The following QSER1 variants were observed in gnomAD, a reference collection of about 807,000 sequenced individuals.
The protein encoded by QSER1 is glutamine and serine rich 1.
A neutral mutation model predicts 158.5 loss-of-function variants in QSER1; 49 were observed. That is an observed-to-expected ratio of 0.31 (90% CI 0.25 to 0.39). The LOEUF is 0.39. Ranked by LOEUF, QSER1 falls within the 10% of genes least tolerant of loss-of-function variation. The pLI is 1.00. For synonymous variants in QSER1, 650 were observed against 715.5 expected (o/e 0.91, Z 1.46); for missense variants, 1,754 against 2,010.3 (o/e 0.87, Z 2.44).
Position 32,932,423 on chromosome 11 carries a change from C to G in QSER1, c.1165C>G (p.Leu389Val). ...QQKTSQVSVE[L>V]AQSYSSAIPS... ...GAAGACCTCCCAGGTCTCAGTGGAA[C>G]TTGCTCAGTCTTACTCATCTGCGAT... Residue 389 changes from leucine (L) to valine (V), a missense_variant, in exon 4 of 13, where the codon CTT (leucine) becomes GTT (valine). Leu to Val is a conservative substitution (Grantham distance 32). Transcript: ENST00000650167. 6.2e-7 allele frequency: 1 copy of G among 1,612,992 alleles called. No homozygotes were observed. The highest frequency in any genetic ancestry group is 1.3e-5 in the African/African-American group (1 of 75,048).
At chr11:32,917,840 A>AC (rs1324880252) in intron 1 of QSER1, among the ~76,000 whole-genome samples, 14 of 151,112 alleles carry the variant, frequency 9.3e-5, no homozygotes, top group African/African-American at 2.7e-4. Context: ...AAAAAAAAAA[A>AC]AAAACCAGCA....
intron 4 of QSER1, among the ~76,000 whole-genome samples, chr11:32,948,475 AAC>A (rs2133574540): frequency 6.6e-6 from 1 of 152,244 alleles, no homozygotes; most frequent in East Asian, 1.9e-4. Context: ...AAAACAAAAA[AAC>A]AGTTAGGTGG....
intron 7 of QSER1, 38 bp downstream of exon 7, chr11:32,956,159 A>T: frequency 6.5e-7 from 1 of 1,537,884 alleles, no homozygotes; most frequent in Non-Finnish European, 9.0e-7. Flanking sequence ...GTGCATATAT[A>T]TAGGTGTATT....
intron 10 of QSER1, among the ~76,000 whole-genome samples, chr11:32,971,367 T>A (rs188600094): frequency 4.4e-4 from 67 of 152,266 alleles, no homozygotes; most frequent in African/African-American, 1.5e-3. Context: ...ATGTTAGGAG[T>A]CCTGAAGCTT....
At chr11:32,915,128 G>C (rs1851816044) in intron 1 of QSER1, among the ~76,000 whole-genome samples, 1 of 152,132 alleles carries the variant, frequency 6.6e-6, no homozygotes, top group Non-Finnish European at 1.5e-5. Flanking sequence ...GGCTGATCTT[G>C]AATTACTGGA....
chr11:32,974,203 T>C (rs1486720513), intron 11 of QSER1, among the ~76,000 whole-genome samples: 1 of 152,148 alleles, frequency 6.6e-6, no homozygotes. Context: ...GGAGGATCAC[T>C]TGAGTCCAGG....
chr11:32,941,059 C>A (rs1311940953), intron 4 of QSER1, among the ~76,000 whole-genome samples: 3 of 151,698 alleles, frequency 2.0e-5, no homozygotes, highest in African/African-American at 7.3e-5. Flanking sequence ...TTCTTCTTTG[C>A]ACCACACTTT....
At chr11:32,919,673 G>A (rs1043149802) in intron 1 of QSER1, among the ~76,000 whole-genome samples, 9 of 152,088 alleles carry the variant, frequency 5.9e-5, no homozygotes, top group African/African-American at 1.2e-4. Flanking sequence ...TTGGAAAGGC[G>A]TCACTGTGTG....
chr11:32,937,095 G>T (rs1237966746), intron 4 of QSER1, among the ~76,000 whole-genome samples: 1 of 152,050 alleles, frequency 6.6e-6, no homozygotes, highest in Admixed American at 6.6e-5. Flanking sequence ...TAAAACATGA[G>T]TCTAAAACTA....
intron 1 of QSER1, among the ~76,000 whole-genome samples, chr11:32,916,477 G>T (rs143528875): frequency 9.9e-5 from 15 of 152,144 alleles, no homozygotes; most frequent in African/African-American, 3.6e-4. Flanking sequence ...TGACAAAAGG[G>T]GTATGTTCAG....
intron 1 of QSER1, among the ~76,000 whole-genome samples, chr11:32,904,158 G>A (rs1387640597): frequency 2.0e-5 from 3 of 151,284 alleles, no homozygotes; most frequent in Non-Finnish European, 4.4e-5. Context: ...AGGCCTTTCT[G>A]CAGTCAAGGC....
At chr11:32,908,722 T>C (rs1714466726) in intron 1 of QSER1, among the ~76,000 whole-genome samples, 1 of 152,246 alleles carries the variant, frequency 6.6e-6, no homozygotes, top group Non-Finnish European at 1.5e-5. Flanking sequence ...AATGCTGCTA[T>C]GGACATTTGC....
At chr11:32,912,758 A>T (rs1206056418) in intron 1 of QSER1, among the ~76,000 whole-genome samples, 1 of 152,024 alleles carries the variant, frequency 6.6e-6, no homozygotes, top group Admixed American at 6.6e-5. Flanking sequence ...AAAGATATTT[A>T]AAAAACTGGC....
At chr11:32,927,317 G>A (rs539066666) in intron 2 of QSER1, 48 bp downstream of exon 2, 1 of 152,752 alleles carries the variant, frequency 6.5e-6, no homozygotes, top group South Asian at 2.1e-4. Flanking sequence ...TACATTTAGT[G>A]AATAAGAAGA....
At chr11:32,966,547 A>G (rs1852752856) in intron 9 of QSER1, 110 bp downstream of exon 9, 1 of 905,082 alleles carries the variant, frequency 1.1e-6, no homozygotes, top group Admixed American at 3.1e-5. Flanking sequence ...TATACCTATA[A>G]ATTGTCAGTT....
At chr11:32,970,340 T>A (rs939972891) in intron 10 of QSER1, among the ~76,000 whole-genome samples, 2 of 152,100 alleles carry the variant, frequency 1.3e-5, no homozygotes, top group East Asian at 1.9e-4. Context: ...AGAAAAAAAA[T>A]TTAGAAGCTA....
At chr11:32,963,744 A>T (rs1852672569) in intron 8 of QSER1, among the ~76,000 whole-genome samples, 1 of 152,052 alleles carries the variant, frequency 6.6e-6, no homozygotes, top group Non-Finnish European at 1.5e-5. Context: ...ATTCACTGTA[A>T]CCTCAAACTT....
chr11:32,940,900 C>G (rs1034837469), intron 4 of QSER1, among the ~76,000 whole-genome samples: 3 of 151,686 alleles, frequency 2.0e-5, no homozygotes, highest in African/African-American at 7.3e-5. Context: ...TTATTTTTTA[C>G]TTTTTTTTCT....
At chr11:32,931,567 G>T (rs933089718) in intron 3 of QSER1, among the ~76,000 whole-genome samples, 176 bp from the exon 4 acceptor site, 1 of 151,838 alleles carries the variant, frequency 6.6e-6, no homozygotes, top group Admixed American at 6.6e-5. Context: ...AGAAAAGAAA[G>T]AAAGAAGCTA....
Sources: allele counts gnomAD v4.1 joint callset (sites outside exome capture counted in the v4.1 genomes callset), GRCh38; gene constraint gnomAD v4.1.1; transcripts MANE v1.5; gene names NCBI Gene and HGNC (gene_info 2026-07-23, HGNC 2026-07-21).